Variants in KCNIP1 observed in about 807,000 individuals in gnomAD.
The protein encoded by KCNIP1 is A-type potassium channel modulatory protein KCNIP1.
KCNIP1 carries 18 observed loss-of-function variants against 33.0 expected under a neutral mutation model. The observed-to-expected ratio is 0.55, with a 90% CI of 0.38 to 0.81. KCNIP1 has a LOEUF of 0.81. Ranked by LOEUF, KCNIP1 falls within the 30% of genes least tolerant of loss-of-function variation. KCNIP1 has a pLI of 0.00. For synonymous variants in KCNIP1, 93 were observed against 98.3 expected (o/e 0.95, Z 0.32); for missense variants, 238 against 271.6 (o/e 0.88, Z 0.87).
At chr5:170,506,332 G>A (rs570083319) in intron 1 of KCNIP1, among the ~76,000 whole-genome samples, 7 of 152,208 alleles carry the variant, frequency 4.6e-5, no homozygotes, top group East Asian at 1.9e-4. Context: ...GCTACTTCCC[G>A]GAGGGAAGGG....
intron 1 of KCNIP1, among the ~76,000 whole-genome samples, chr5:170,588,193 G>A (rs1271361482): frequency 2.0e-5 from 3 of 152,174 alleles, no homozygotes; most frequent in African/African-American, 7.2e-5. Context: ...CCCATGCAGT[G>A]CACTTTCTCG....
chr5:170,625,149 C>A (rs184443043), intron 1 of KCNIP1, among the ~76,000 whole-genome samples: 1 of 152,256 alleles, frequency 6.6e-6, no homozygotes, highest in East Asian at 1.9e-4. Flanking sequence ...GAGGGGAGGG[C>A]ATCTCACCCA....
intron 1 of KCNIP1, among the ~76,000 whole-genome samples, chr5:170,645,188 C>T (rs1342615054): frequency 6.6e-6 from 1 of 151,988 alleles, no homozygotes; most frequent in Non-Finnish European, 1.5e-5. Context: ...TTATGATTAC[C>T]AGGATTAGTC....
intron 1 of KCNIP1, among the ~76,000 whole-genome samples, chr5:170,465,720 G>A (rs897183200): frequency 1.3e-5 from 2 of 152,170 alleles, no homozygotes; most frequent in African/African-American, 2.4e-5. Context: ...ATCTGGGTCC[G>A]GAGGGCAGAG....
intron 1 of KCNIP1, among the ~76,000 whole-genome samples, chr5:170,625,807 G>A (rs905824): frequency 0.27 from 40,320 of 152,008 alleles, 5,795 homozygotes; most frequent in East Asian, 0.52. Flanking sequence ...TTAGAAACGC[G>A]GTAAAACATG....
intron 1 of KCNIP1, among the ~76,000 whole-genome samples, chr5:170,457,335 A>G (rs1219909539): frequency 6.6e-6 from 1 of 152,210 alleles, no homozygotes; most frequent in Non-Finnish European, 1.5e-5. Flanking sequence ...CCACCACCAC[A>G]TGTCAGGAAG....
intron 1 of KCNIP1, among the ~76,000 whole-genome samples, chr5:170,428,079 T>C (rs1447651313): frequency 6.6e-6 from 1 of 152,214 alleles, no homozygotes; most frequent in Admixed American, 6.5e-5. Context: ...CCTGTTTCCT[T>C]CCACTCCTCC....
At position 170,529,098 on chromosome 5, in the gene KCNIP1, A is replaced by G. The variant is rs556906877; in HGVS notation, c.61+24465A>G. Reference sequence around the variant, plus strand: ...GAAGAAAAGGGGGGTTTATTGGTTCATGTAATAAAATGGCCAGGGTAAGAT... The same window carrying G: ...GAAGAAAAGGGGGGTTTATTGGTTCGTGTAATAAAATGGCCAGGGTAAGAT... On this transcript the variant is annotated intron_variant, in intron 1 of 7. Transcript: ENST00000328939. Among the ~76,000 whole-genome samples the G allele has an allele frequency of 2.6e-5, 4 of 152,344 alleles. No homozygotes were observed. In the South Asian group the frequency reaches 8.3e-4, roughly 32 times the overall value.
intron 1 of KCNIP1, among the ~76,000 whole-genome samples, chr5:170,559,754 T>G (rs887351046): frequency 3.9e-5 from 6 of 152,200 alleles, no homozygotes; most frequent in African/African-American, 1.4e-4. Flanking sequence ...GTTAACTGCC[T>G]GGCAATGGTG....
At chr5:170,364,649 T>G (rs982409156) in intron 1 of KCNIP1, among the ~76,000 whole-genome samples, 10 of 152,326 alleles carry the variant, frequency 6.6e-5, no homozygotes, top group African/African-American at 1.7e-4. Flanking sequence ...AATCCCCTCC[T>G]GCGGTTGCCG....
chr5:170,590,400 T>C (rs1024462663), intron 1 of KCNIP1, among the ~76,000 whole-genome samples: 1 of 151,184 alleles, frequency 6.6e-6, no homozygotes, highest in East Asian at 2.0e-4. Context: ...AAAGCAAGAG[T>C]GGAGAAGTGA....
At chr5:170,637,069 A>C (rs1056738370) in intron 1 of KCNIP1, among the ~76,000 whole-genome samples, 5 of 152,166 alleles carry the variant, frequency 3.3e-5, no homozygotes, top group African/African-American at 1.2e-4. Context: ...TGCATTCAAA[A>C]TAGACAGCCA....
At chr5:170,567,441 T>C (rs1757242127) in intron 1 of KCNIP1, among the ~76,000 whole-genome samples, 1 of 152,124 alleles carries the variant, frequency 6.6e-6, no homozygotes, top group Non-Finnish European at 1.5e-5. Flanking sequence ...AAAGGAGTTA[T>C]GAACCAAAGG....
intron 1 of KCNIP1, among the ~76,000 whole-genome samples, chr5:170,530,146 A>G (rs1258303855): frequency 1.3e-5 from 2 of 152,196 alleles, no homozygotes; most frequent in East Asian, 1.9e-4. Flanking sequence ...CACCTAGTAC[A>G]CTGCCTGGCA....
chr5:170,465,158 C>T (rs1408871432), intron 1 of KCNIP1, among the ~76,000 whole-genome samples: 4 of 152,146 alleles, frequency 2.6e-5, no homozygotes, highest in Non-Finnish European at 5.9e-5. Context: ...AGCTAACATG[C>T]TACAGTTTGT....
chr5:170,514,685 T>C (rs753173964), intron 1 of KCNIP1, among the ~76,000 whole-genome samples: 33 of 152,252 alleles, frequency 2.2e-4, no homozygotes, highest in Non-Finnish European at 4.3e-4. Flanking sequence ...CAATTTTTGA[T>C]GCCTCTACTT....
rs538724866 is a variant in KCNIP1, at chr5:170,616,902, G to C, written c.62-101856G>C. Among the ~76,000 whole-genome samples, 207 of 151,912 alleles carry C rather than the reference G, an allele frequency of 1.4e-3. 2 individuals carry two copies. The highest frequency in any genetic ancestry group is 1.9e-3 in the Non-Finnish European group (127 of 68,002). On this transcript the variant is annotated intron_variant, in intron 1 of 7. Transcript: ENST00000328939. ...TGTCCTCTGGAATTCAGCCTTCCTG[G>C]ATGTCCCTGAGCTGGGCTAGGGTCC...
intron 1 of KCNIP1, among the ~76,000 whole-genome samples, chr5:170,601,029 T>C (rs1758670678): frequency 6.6e-6 from 1 of 152,242 alleles, no homozygotes; most frequent in South Asian, 2.1e-4. Context: ...TCACTTAGCC[T>C]CTCTGAGTTT....
chr5:170,593,039 C>T (rs1389278411), intron 1 of KCNIP1, among the ~76,000 whole-genome samples: 1 of 152,142 alleles, frequency 6.6e-6, no homozygotes, highest in East Asian at 1.9e-4. Flanking sequence ...TTTCCAGACT[C>T]ATTCGGAAGA....
Sources: gnomAD v4.1 joint callset for allele counts (sites outside exome capture counted in the v4.1 genomes callset) on GRCh38, gnomAD v4.1.1 for gene constraint, MANE v1.5 for transcripts, NCBI Gene and HGNC (gene_info 2026-07-23, HGNC 2026-07-21) for gene names.